PMFBP1: variants seen among roughly 807,000 people sequenced by gnomAD.
The protein encoded by PMFBP1 is polyamine modulated factor 1 binding protein 1.
Under a neutral mutation model 137.8 loss-of-function variants are expected in PMFBP1, and 131 were observed. The observed-to-expected ratio is 0.95, with a 90% CI of 0.82 to 1.10. The LOEUF (loss-of-function observed/expected upper bound fraction) is 1.10, where lower values mean the gene tolerates loss of function less well. Ranked by LOEUF, PMFBP1 falls within the 50% of genes least tolerant of loss-of-function variation. The pLI is 0.00. For synonymous variants in PMFBP1, 490 were observed against 450.4 expected (o/e 1.09, Z -1.11); for missense variants, 1,199 against 1,175.4 (o/e 1.02, Z -0.29).
At position 72,136,495 on chromosome 16, in the gene PMFBP1, G is replaced by A. The variant is rs1331367315; in HGVS notation, c.1156C>T (p.Gln386Ter). Residue 386 changes from glutamine (Q) to a stop codon, truncating the protein, a stop_gained, in exon 9 of 21, where the codon CAG becomes TAG. Transcript: ENST00000237353. LOFTEE classifies it high-confidence loss of function. ...TTTTGGGTCTCGGTGAACTCCAGCT[G>A]CAGCTCCTGCAGCCGGCACTGCAGG... ...TILQCRLQEL[Q>*]LEFTETQKLT... 7 of 1,613,896 alleles carry A rather than the reference G, an allele frequency of 4.3e-6. No homozygotes were observed. Among genetic ancestry groups the A allele is most frequent in the Admixed American group, 1.7e-5 (1 of 59,986 alleles).
intron 3 of PMFBP1, among the ~76,000 whole-genome samples, chr16:72,160,654 TA>T (rs1464719157): frequency 6.6e-6 from 1 of 152,118 alleles, no homozygotes; most frequent in Admixed American, 6.5e-5. Flanking sequence ...TTGAGAAACT[TA>T]AGACTTGGAT....
At chr16:72,174,418 G>A (rs1001335223), upstream of PMFBP1, among the ~76,000 whole-genome samples, 2 of 152,180 alleles carry the variant, frequency 1.3e-5, no homozygotes, top group Admixed American at 6.5e-5. Context: ...CGTCTCCAGA[G>A]TGTGCTTAAG....
chr16:72,159,444 G>A (rs2043029099), intron 3 of PMFBP1, among the ~76,000 whole-genome samples: 1 of 152,220 alleles, frequency 6.6e-6, no homozygotes, highest in African/African-American at 2.4e-5. Flanking sequence ...CTAGCCAGAT[G>A]ATGAGATTTT....
At chr16:72,232,432 T>A in the PMFBP1 span, among the ~76,000 whole-genome samples, 1 of 152,178 alleles carries the variant, frequency 6.6e-6, no homozygotes, top group Admixed American at 6.6e-5. Context: ...GACCCACTAT[T>A]GTTTTAGGTT....
At chr16:72,238,601 T>A in the PMFBP1 span, among the ~76,000 whole-genome samples, 1 of 152,206 alleles carries the variant, frequency 6.6e-6, no homozygotes, top group Non-Finnish European at 1.5e-5. Flanking sequence ...GACTTAATTA[T>A]ATATCTTGAG....
chr16:72,154,114 G>T, intron 4 of PMFBP1, 97 bp downstream of exon 4: 1 of 1,471,612 alleles, frequency 6.8e-7, no homozygotes. Context: ...ATGTTGCAAA[G>T]CTCTCCTAAG....
At chr16:72,159,360 G>A (rs2043028114) in intron 3 of PMFBP1, among the ~76,000 whole-genome samples, 1 of 152,188 alleles carries the variant, frequency 6.6e-6, no homozygotes, top group Non-Finnish European at 1.5e-5. Context: ...CTGGTGAAAT[G>A]TCAATGCTTT....
upstream of PMFBP1, chr16:72,173,867 C>G (rs2043242542): frequency 6.6e-6 from 1 of 152,290 alleles, no homozygotes. Flanking sequence ...CGGCTACTGA[C>G]TCTCTGAAGC....
the PMFBP1 span, among the ~76,000 whole-genome samples, chr16:72,182,083 G>C: frequency 6.6e-6 from 1 of 152,228 alleles, no homozygotes; most frequent in Admixed American, 6.5e-5. Flanking sequence ...GATTAGACAA[G>C]CTTGGTTTAG....
Position 72,164,432 on chromosome 16 carries a change from T to C in PMFBP1, c.165+332A>G, listed in dbSNP as rs183819406. 2.4e-4 allele frequency: 315 copies of C among 1,336,680 alleles called. 2 individuals are homozygous for C. In the African/African-American group the frequency reaches 3.9e-3, roughly 17 times the overall value. The allele number at this position is 1,336,680 out of a possible 1,614,324, so 82.8% of individuals were successfully genotyped here. On this transcript the variant is annotated intron_variant, in intron 3 of 20. Coordinates refer to ENST00000237353, the MANE Select transcript of PMFBP1 (RefSeq NM_031293.3). ...GACTTAGAAGTTTGTCTGAGATCCA[T>C]AGCAGACGCTGCTCCCCTTGTATCA...
chr16:72,197,068 C>G, the PMFBP1 span, among the ~76,000 whole-genome samples: 2 of 152,318 alleles, frequency 1.3e-5, no homozygotes, highest in African/African-American at 4.8e-5. Flanking sequence ...CCAGGAAACA[C>G]TGCCCCTTTG....
upstream of PMFBP1, among the ~76,000 whole-genome samples, chr16:72,180,814 G>A (rs1446588937): frequency 6.6e-6 from 1 of 152,240 alleles, no homozygotes; most frequent in African/African-American, 2.4e-5. Context: ...AAGTGGCAAT[G>A]AGGGAGGAAA....
At chr16:72,164,237 T>C (rs1031326409) in intron 3 of PMFBP1, 3 of 399,272 alleles carry the variant, frequency 7.5e-6, no homozygotes, top group African/African-American at 4.2e-5. Context: ...TGAGGGTTGC[T>C]TCTAGGGGCA....
At chr16:72,239,216 C>G in the PMFBP1 span, among the ~76,000 whole-genome samples, 1 of 152,134 alleles carries the variant, frequency 6.6e-6, no homozygotes, top group Non-Finnish European at 1.5e-5. Context: ...ACCCCACCAG[C>G]CACACATATA....
chr16:72,138,066 G>T (rs1412187510), intron 7 of PMFBP1, among the ~76,000 whole-genome samples: 1 of 152,262 alleles, frequency 6.6e-6, no homozygotes, highest in East Asian at 1.9e-4. Context: ...GTGGGGGAAG[G>T]TGTATTCTGC....
the PMFBP1 span, among the ~76,000 whole-genome samples, chr16:72,196,668 T>C: frequency 2.6e-5 from 4 of 152,320 alleles, no homozygotes; most frequent in South Asian, 2.1e-4. Context: ...TTTGGTTGCA[T>C]AGAGAATACA....
intron 5 of PMFBP1, among the ~76,000 whole-genome samples, chr16:72,143,467 G>C (rs777169947): frequency 9.2e-5 from 14 of 152,240 alleles, no homozygotes; most frequent in Non-Finnish European, 1.8e-4. Context: ...ATTAGGCCGG[G>C]CGTGGTGGCT....
chr16:72,126,807 G>T (rs1254079963), intron 14 of PMFBP1, among the ~76,000 whole-genome samples: 1 of 152,164 alleles, frequency 6.6e-6, no homozygotes, highest in Non-Finnish European at 1.5e-5. Context: ...AAGGAAGTTG[G>T]GATCTGGAGT....
In PMFBP1 at chr16:72,126,004, G is replaced by A. The variant is rs370845507; in HGVS notation, c.2217C>T (p.Ala739=). The A allele has an allele frequency of 2.9e-5, 47 of 1,614,056 alleles. No homozygotes were observed. The highest frequency in any genetic ancestry group is 3.7e-5 in the Non-Finnish European group (44 of 1,180,028). ...CTTGTGTCAGGTCATCCTGGCAGGC[G>A]GCTGACTTCCGGGATAATGCATCAT... ...EAYDALSRKS[A]ACQDDLTQAL... Residue 739 remains alanine, a synonymous_variant, in exon 15 of 21, where the codon GCC becomes GCT. Coordinates refer to ENST00000237353, the MANE Select transcript of PMFBP1 (RefSeq NM_031293.3).
Sources: allele counts gnomAD v4.1 joint callset (sites outside exome capture counted in the v4.1 genomes callset), GRCh38; gene constraint gnomAD v4.1.1; transcripts MANE v1.5; gene names NCBI Gene and HGNC (gene_info 2026-07-23, HGNC 2026-07-21).